The following GRIA4 variants were observed in gnomAD, a reference collection of about 807,000 sequenced individuals.
GRIA4 encodes the protein glutamate ionotropic receptor AMPA type subunit 4.
A neutral mutation model predicts 104.0 loss-of-function variants in GRIA4; 34 were observed. That is an observed-to-expected ratio of 0.33 (90% CI 0.25 to 0.44). The LOEUF is 0.44. GRIA4 is among the 20% of genes least tolerant of loss of function. The pLI, the probability that GRIA4 is intolerant of heterozygous loss-of-function variation, is 1.00. For missense variants in GRIA4, 750 were observed against 1,096.5 expected (o/e 0.68, Z 4.46); for synonymous variants, 386 against 381.9 (o/e 1.01, Z -0.13).
chr11:105,798,992 A>G (rs1942606678), intron 4 of GRIA4, among the ~76,000 whole-genome samples: 1 of 152,152 alleles, frequency 6.6e-6, no homozygotes, highest in African/African-American at 2.4e-5. Flanking sequence ...TCATCCCCAG[A>G]GAGTGTTAGT....
At chr11:105,677,090 T>C (rs1390718383) in intron 3 of GRIA4, among the ~76,000 whole-genome samples, 1 of 151,708 alleles carries the variant, frequency 6.6e-6, no homozygotes, top group Non-Finnish European at 1.5e-5. Context: ...TAAATATGAG[T>C]GAAAGAATTA....
At chr11:105,775,388 C>T (rs1220281409) in intron 4 of GRIA4, among the ~76,000 whole-genome samples, 1 of 152,046 alleles carries the variant, frequency 6.6e-6, no homozygotes, top group African/African-American at 2.4e-5. Context: ...CATGTAAAAT[C>T]TGAAGGCATG....
At chr11:105,800,031 A>G (rs1446155626) in intron 4 of GRIA4, among the ~76,000 whole-genome samples, 1 of 152,106 alleles carries the variant, frequency 6.6e-6, no homozygotes, top group Non-Finnish European at 1.5e-5. Flanking sequence ...GATTATGATT[A>G]CCCATAAATT....
intron 4 of GRIA4, among the ~76,000 whole-genome samples, chr11:105,753,604 T>C (rs534253855): frequency 6.6e-6 from 1 of 152,230 alleles, no homozygotes; most frequent in East Asian, 1.9e-4. Context: ...CACATGTACT[T>C]CCATTCAATC....
rs1565247931 is a variant in GRIA4, at chr11:105,802,815, CAT to C, written c.487+49598_487+49599del. 4.0e-5 allele frequency among the ~76,000 whole-genome samples: 6 copies of C among 151,344 alleles called. No individual in the cohort carries two copies. In the South Asian group the frequency reaches 1.0e-3, roughly 26 times the overall value. On this transcript the variant is annotated intron_variant, in intron 4 of 16. Coordinates refer to ENST00000282499, the MANE Select transcript of GRIA4 (RefSeq NM_000829.4). Reference sequence around the variant, plus strand: ...TATTTTTTATTTGTTTATTTCAAAACATATTGTTATACTTTTAAAATTTACAT... The same window carrying C: ...TATTTTTTATTTGTTTATTTCAAAACATTGTTATACTTTTAAAATTTACAT...
intron 4 of GRIA4, among the ~76,000 whole-genome samples, chr11:105,779,515 G>GT (rs1273726145): frequency 6.6e-6 from 1 of 152,052 alleles, no homozygotes; most frequent in Non-Finnish European, 1.5e-5. Flanking sequence ...GCGGTGTTTG[G>GT]TTTTTTGTTC....
At chr11:105,698,013 A>G (rs1418235873) in intron 3 of GRIA4, among the ~76,000 whole-genome samples, 1 of 152,070 alleles carries the variant, frequency 6.6e-6, no homozygotes, top group African/African-American at 2.4e-5. Context: ...GATGGCAATG[A>G]TTTGAAACAT....
rs1432300584 is a variant in GRIA4 at position 105,886,751 on chromosome 11, A to AT, written c.673-764dup. On this transcript the variant is annotated intron_variant, in intron 5 of 16. Coordinates refer to ENST00000282499, the MANE Select transcript of GRIA4 (RefSeq NM_000829.4). ...GCTGCTCATTAGTAACTGAAATTAG[A>AT]TTTTCTCTTGTTGAAGGAATTTTCA... Among the ~76,000 whole-genome samples the AT allele has an allele frequency of 2.6e-5, 4 of 152,090 alleles. No individual in the cohort carries two copies. The East Asian group carries it at 7.7e-4, about 29-fold the overall frequency.
chr11:105,834,811 C>A (rs1944116103), intron 4 of GRIA4, among the ~76,000 whole-genome samples: 1 of 150,590 alleles, frequency 6.6e-6, no homozygotes, highest in Non-Finnish European at 1.5e-5. Context: ...AGCATGCCTG[C>A]AGCAAGTTGA....
chr11:105,703,967 G>A (rs752277762), intron 3 of GRIA4, among the ~76,000 whole-genome samples: 24 of 151,932 alleles, frequency 1.6e-4, no homozygotes, highest in Non-Finnish European at 3.4e-4. Context: ...CAAATAGGAG[G>A]ACTTAAAAAT....
At chr11:105,616,856 T>C (rs1950613613) in intron 3 of GRIA4, among the ~76,000 whole-genome samples, 1 of 151,714 alleles carries the variant, frequency 6.6e-6, no homozygotes, top group African/African-American at 2.4e-5. Flanking sequence ...TTTCAGATAA[T>C]TCTTTAGTTT....
intron 7 of GRIA4, among the ~76,000 whole-genome samples, chr11:105,899,573 A>G (rs1946784654): frequency 6.6e-6 from 1 of 152,240 alleles, no homozygotes; most frequent in South Asian, 2.1e-4. Context: ...TTCAGTAGCC[A>G]TTTAATAAAT....
intron 4 of GRIA4, among the ~76,000 whole-genome samples, chr11:105,817,574 G>C (rs1317006559): frequency 6.6e-6 from 1 of 151,584 alleles, no homozygotes; most frequent in African/African-American, 2.4e-5. Context: ...ATGTAAAGAG[G>C]ACACTTTAAA....
chr11:105,832,224 G>T (rs1565271253), intron 4 of GRIA4, among the ~76,000 whole-genome samples: 1 of 151,938 alleles, frequency 6.6e-6, no homozygotes, highest in East Asian at 1.9e-4. Flanking sequence ...ACATATATCT[G>T]CTGGAATGAG....
intron 5 of GRIA4, among the ~76,000 whole-genome samples, chr11:105,872,701 T>G (rs1945661942): frequency 1.3e-5 from 2 of 152,220 alleles, no homozygotes; most frequent in East Asian, 1.9e-4. Context: ...ATATGTCCAA[T>G]TAGAGACATC....
At chr11:105,893,430 T>C (rs1565321679) in intron 6 of GRIA4, among the ~76,000 whole-genome samples, 1 of 152,278 alleles carries the variant, frequency 6.6e-6, no homozygotes, top group Admixed American at 6.5e-5. Flanking sequence ...AGAAAATATA[T>C]GTAAGAAAAT....
intron 7 of GRIA4, 29 bp downstream of exon 7, chr11:105,898,456 A>C (rs1946739447): frequency 7.7e-7 from 1 of 1,293,610 alleles, no homozygotes; most frequent in South Asian, 1.3e-5. Context: ...CTACTGTATT[A>C]CTGATAGTTT....
intron 3 of GRIA4, among the ~76,000 whole-genome samples, chr11:105,696,923 C>CCAGCTAAT (rs906617651): frequency 1.3e-5 from 2 of 152,050 alleles, no homozygotes; most frequent in African/African-American, 2.4e-5. Flanking sequence ...TGCCACCACC[C>CCAGCTAAT]CAGCTAATTT....
At chr11:105,958,120 T>C (rs915214495) in intron 14 of GRIA4, among the ~76,000 whole-genome samples, 1 of 152,214 alleles carries the variant, frequency 6.6e-6, no homozygotes, top group Non-Finnish European at 1.5e-5. Context: ...TCCTGCCTGA[T>C]TGCCCTGGCC....
Sources: allele counts gnomAD v4.1 joint callset (sites outside exome capture counted in the v4.1 genomes callset), GRCh38; gene constraint gnomAD v4.1.1; transcripts MANE v1.5; gene names NCBI Gene and HGNC (gene_info 2026-07-23, HGNC 2026-07-21).